The following MAF variants were observed in gnomAD, a reference collection of about 807,000 sequenced individuals.
MAF encodes the protein MAF bZIP transcription factor.
A neutral mutation model predicts 22.0 loss-of-function variants in MAF; 10 were observed. The ratio of observed to expected loss-of-function variants is 0.45; its 90% CI spans 0.28 to 0.77. The LOEUF (loss-of-function observed/expected upper bound fraction) is 0.77, where lower values mean the gene tolerates loss of function less well. MAF is among the 30% of genes least tolerant of loss of function. The probability of loss-of-function intolerance (pLI) is 0.12; values close to 1 mark genes in which losing one functional copy is unlikely to be tolerated. For missense variants in MAF, 544 were observed against 548.4 expected (o/e 0.99, Z 0.08); for synonymous variants, 337 against 255.8 (o/e 1.32, Z -3.03).
At chr16:79,549,540 T>C in the MAF span, among the ~76,000 whole-genome samples, 2 of 152,214 alleles carry the variant, frequency 1.3e-5, no homozygotes, top group South Asian at 2.1e-4. Context: ...ACTGAATCGA[T>C]TCTCTGCCTG....
chr16:79,437,175 T>C, the MAF span, among the ~76,000 whole-genome samples: 1 of 151,906 alleles, frequency 6.6e-6, no homozygotes, highest in Non-Finnish European at 1.5e-5. Flanking sequence ...TGTGTGTGTG[T>C]GCATTTCTGT....
At chr16:79,502,708 A>ATACATATATAT in the MAF span, among the ~76,000 whole-genome samples, 176 of 33,964 alleles carry the variant, frequency 5.2e-3, 28 homozygotes, top group Non-Finnish European at 8.3e-3. Flanking sequence ...TATAAATATA[A>ATACATATATAT]ATATATATAT....
At chr16:79,556,448 C>A in the MAF span, among the ~76,000 whole-genome samples, 1 of 152,176 alleles carries the variant, frequency 6.6e-6, no homozygotes, top group African/African-American at 2.4e-5. Context: ...CTGCTTTTCA[C>A]GGTCCCTGGC....
At chr16:79,449,994 G>A in the MAF span, among the ~76,000 whole-genome samples, 5 of 152,268 alleles carry the variant, frequency 3.3e-5, no homozygotes, top group East Asian at 1.9e-4. Context: ...ATTGACAGAC[G>A]CCGCTAAAAC....
At chr16:79,312,785 C>T in the MAF span, among the ~76,000 whole-genome samples, 18,686 of 152,140 alleles carry the variant, frequency 0.12, 1,248 homozygotes, top group African/African-American at 0.15. Flanking sequence ...CCGCTTGCAT[C>T]GGTGATAAGG....
chr16:79,342,446 TTC>T, the MAF span, among the ~76,000 whole-genome samples: 1 of 152,248 alleles, frequency 6.6e-6, no homozygotes, highest in East Asian at 1.9e-4. Flanking sequence ...CTCCAAAACT[TTC>T]TGAGCCTTTT....
the MAF span, among the ~76,000 whole-genome samples, chr16:79,552,655 C>T: frequency 6.6e-6 from 1 of 152,200 alleles, no homozygotes; most frequent in Non-Finnish European, 1.5e-5. Context: ...GTGTTCAGGA[C>T]AGGATCTTGG....
the MAF span, among the ~76,000 whole-genome samples, chr16:79,313,469 G>A: frequency 1.3e-5 from 2 of 152,240 alleles, no homozygotes; most frequent in South Asian, 4.2e-4. Flanking sequence ...TGTAAATACA[G>A]TAAAGCAGAT....
chr16:79,410,262 G>T, the MAF span, among the ~76,000 whole-genome samples: 1 of 152,156 alleles, frequency 6.6e-6, no homozygotes, highest in Non-Finnish European at 1.5e-5. Flanking sequence ...TGGAATCTCT[G>T]TGAATCTGTT....
the MAF span, among the ~76,000 whole-genome samples, chr16:79,412,776 A>C: frequency 2.0e-5 from 3 of 152,224 alleles, no homozygotes; most frequent in Admixed American, 6.5e-5. Context: ...GCTGTCCTAA[A>C]GGACAGAGGA....
In MAF at chr16:79,600,328, G is replaced by C; in HGVS notation, c.-426C>G. 4.9e-6 allele frequency: 1 copy of C among 202,862 alleles called. No individual in the cohort carries two copies. The highest frequency in any genetic ancestry group is 1.1e-5 in the Non-Finnish European group (1 of 90,550). The allele number at this position is 202,862 out of a possible 1,614,324, so 12.6% of individuals were successfully genotyped here. ...CGCTGCGCGCTTTGCATAAGGAAGG[G>C]CTCGCCTCGCCGGCCCGGGCTGCAG... On this transcript the variant is annotated 5_prime_UTR_variant, in exon 1 of 2. Coordinates refer to ENST00000326043, the MANE Select transcript of MAF (RefSeq NM_005360.5).
chr16:79,272,821 C>G, the MAF span, among the ~76,000 whole-genome samples: 1 of 152,172 alleles, frequency 6.6e-6, no homozygotes, highest in Non-Finnish European at 1.5e-5. Flanking sequence ...CTGTCCTCCA[C>G]GTTGACCTGA....
At chr16:79,248,256 T>C in the MAF span, among the ~76,000 whole-genome samples, 1 of 152,116 alleles carries the variant, frequency 6.6e-6, no homozygotes, top group African/African-American at 2.4e-5. Context: ...AATTAAATGA[T>C]CCTACCTGAT....
At chr16:79,270,279 G>A in the MAF span, among the ~76,000 whole-genome samples, 12 of 152,044 alleles carry the variant, frequency 7.9e-5, no homozygotes, top group African/African-American at 2.7e-4. Flanking sequence ...GCTGCAGGGG[G>A]CTTTTTCTTT....
At chr16:79,214,302 A>T in the MAF span, among the ~76,000 whole-genome samples, 1 of 152,184 alleles carries the variant, frequency 6.6e-6, no homozygotes, top group Non-Finnish European at 1.5e-5. Context: ...CTCCTGTCAC[A>T]CAGCAAACTT....
the MAF span, among the ~76,000 whole-genome samples, chr16:79,444,593 G>A: frequency 6.6e-6 from 1 of 152,222 alleles, no homozygotes; most frequent in East Asian, 1.9e-4. Context: ...CTCAAGGTCA[G>A]AGGATCATTG....
intron 1 of MAF, chr16:79,597,827 CT>C (rs1046953115): frequency 9.8e-7 from 1 of 1,019,936 alleles, no homozygotes; most frequent in African/African-American, 1.7e-5. Flanking sequence ...TATAATGTCT[CT>C]TTTCCATAAA....
the MAF span, among the ~76,000 whole-genome samples, chr16:79,209,152 CA>C: frequency 6.6e-6 from 1 of 152,130 alleles, no homozygotes; most frequent in African/African-American, 2.4e-5. Context: ...TTAGGCTTTT[CA>C]AAAAGGTATG....
chr16:79,358,996 C>T, the MAF span, among the ~76,000 whole-genome samples: 2 of 152,168 alleles, frequency 1.3e-5, no homozygotes, highest in Non-Finnish European at 2.9e-5. Context: ...AACAGAAAGG[C>T]TCTCCACAAA....
Sources: gnomAD v4.1 joint callset for allele counts (sites outside exome capture counted in the v4.1 genomes callset) on GRCh38, gnomAD v4.1.1 for gene constraint, MANE v1.5 for transcripts, NCBI Gene and HGNC (gene_info 2026-07-23, HGNC 2026-07-21) for gene names.